The following AIFM3 variants were observed in gnomAD, a reference collection of about 807,000 sequenced individuals.
AIFM3 encodes apoptosis-inducing factor 3.
AIFM3 carries 71 observed loss-of-function variants against 82.7 expected under a neutral mutation model. That is an observed-to-expected ratio of 0.86 (90% CI 0.71 to 1.05). The LOEUF (loss-of-function observed/expected upper bound fraction) is 1.05, where lower values mean the gene tolerates loss of function less well. AIFM3 is among the 50% of genes least tolerant of loss of function. The pLI is 0.00. For missense variants in AIFM3, 748 were observed against 816.7 expected (o/e 0.92, Z 1.03); for synonymous variants, 337 against 329.1 (o/e 1.02, Z -0.26).
At chr22:20,976,151 G>T in intron 9 of AIFM3, 64 bp from the exon 10 acceptor site, 1 of 1,549,456 alleles carries the variant, frequency 6.5e-7, no homozygotes, top group Non-Finnish European at 8.8e-7. Context: ...CTGCAGGACC[G>T]GGGAGTGGGC....
chr22:20,977,159 A>T, intron 14 of AIFM3, 64 bp downstream of exon 14: 1 of 1,596,408 alleles, frequency 6.3e-7, no homozygotes, highest in South Asian at 1.1e-5. Context: ...CTCACATGTG[A>T]CCTTGGGCTA....
At chr22:20,968,525 C>G (rs1923063775) in intron 2 of AIFM3, among the ~76,000 whole-genome samples, 1 of 152,232 alleles carries the variant, frequency 6.6e-6, no homozygotes. Flanking sequence ...GGCACACTTC[C>G]CCATTTATAC....
At chr22:20,976,192 G>A in intron 9 of AIFM3, 23 bp from the exon 10 acceptor site, 1 of 1,608,914 alleles carries the variant, frequency 6.2e-7, no homozygotes, top group Non-Finnish European at 8.5e-7. Flanking sequence ...CCAAGCTCAT[G>A]CTCTGCCTGG....
chr22:20,972,984 C>T (rs1490459811), intron 2 of AIFM3, among the ~76,000 whole-genome samples: 1 of 151,576 alleles, frequency 6.6e-6, no homozygotes, highest in African/African-American at 2.4e-5. Context: ...GAGGCAGAGA[C>T]TGCAGCGAGC....
intron 17 of AIFM3, 26 bp from the exon 18 acceptor site, chr22:20,979,601 G>A (rs955781370): frequency 3.1e-6 from 5 of 1,613,886 alleles, no homozygotes; most frequent in Non-Finnish European, 4.2e-6. Flanking sequence ...GCTCACGTGG[G>A]TGCCACCCAC....
chr22:20,980,775 T>A lies in AIFM3; in HGVS notation c.1778+8T>A. ...GTTTGTGCTGCACAGCAAGTACGTGTGTCCTTCATGTTGACCGTTCTGAGC... is the reference window on the plus strand; with the variant it reads ...GTTTGTGCTGCACAGCAAGTACGTGAGTCCTTCATGTTGACCGTTCTGAGC... On this transcript the variant is annotated splice_region_variant and intron_variant, in intron 20 of 20. Coordinates refer to ENST00000440238, the MANE Select transcript of AIFM3 (RefSeq NM_001386814.1). 6.2e-7 allele frequency: 1 copy of A among 1,614,212 alleles called. No individual in the cohort carries two copies.
chr22:20,973,821 C>A lies in AIFM3; in HGVS notation c.309C>A (p.His103Gln). ...TGGTGAAGGACAATGGGGAGTTCCA[C>A]GCCCTGGGCCATAAGTGTCCGCACT... ...VLLVKDNGEF[H>Q]ALGHKCPHYG... The change falls in exon 4 of 21, where the codon CAC (histidine) becomes CAA (glutamine). Residue 103 changes from histidine (H) to glutamine (Q), a missense_variant. His to Gln is a conservative substitution (Grantham distance 24). Coordinates refer to ENST00000440238, the MANE Select transcript of AIFM3 (RefSeq NM_001386814.1). 1 of 1,580,714 alleles carries A rather than the reference C, an allele frequency of 6.3e-7. No individual in the cohort carries two copies.
At chr22:20,972,704 G>T (rs1387385749) in intron 2 of AIFM3, among the ~76,000 whole-genome samples, 1 of 152,196 alleles carries the variant, frequency 6.6e-6, no homozygotes, top group Non-Finnish European at 1.5e-5. Context: ...CAGGAGAACT[G>T]CAGGGTCGAA....
chr22:20,980,699 G>A (rs373618679), intron 19 of AIFM3, 48 bp from the exon 20 acceptor site: 1 of 1,613,588 alleles, frequency 6.2e-7, no homozygotes, highest in East Asian at 2.2e-5. Flanking sequence ...TAAATGACAT[G>A]CTCTCTCCTT....
chr22:20,977,625 C>T, intron 14 of AIFM3, 75 bp from the exon 15 acceptor site: 1 of 1,577,466 alleles, frequency 6.3e-7, no homozygotes, highest in South Asian at 1.1e-5. Context: ...ACATCAAGCG[C>T]ATGCTGTAGG....
intron 16 of AIFM3, 123 bp from the exon 17 acceptor site, chr22:20,979,148 T>C: frequency 1.0e-6 from 1 of 960,246 alleles, no homozygotes; most frequent in Non-Finnish European, 1.6e-6. Context: ...ATGATGTCTC[T>C]TGACCTCTGG....
chr22:20,979,714 G>A lies in AIFM3; in HGVS notation c.1652+12G>A, dbSNP rs751639560. ...GCTTTTTACACTAAGTGAGAGCACC[G>A]GGGTGCAGCTTGGCGCGAAGCAGCG... On this transcript the variant is annotated intron_variant, in intron 18 of 20. Coordinates refer to ENST00000440238, the MANE Select transcript of AIFM3 (RefSeq NM_001386814.1). 1.5e-5 allele frequency: 25 copies of A among 1,614,156 alleles called. No individual in the cohort carries two copies. Among genetic ancestry groups the A allele is most frequent in the Admixed American group, 5.0e-5 (3 of 60,018 alleles).
chr22:20,978,178 G>A (rs1322225699), intron 16 of AIFM3, among the ~76,000 whole-genome samples, 173 bp downstream of exon 16: 6 of 152,076 alleles, frequency 3.9e-5, no homozygotes, highest in African/African-American at 7.2e-5. Context: ...CACAGAGAGC[G>A]ACACCCCACT....
intron 2 of AIFM3, among the ~76,000 whole-genome samples, chr22:20,971,505 G>A (rs1182232129): frequency 1.3e-5 from 2 of 152,230 alleles, no homozygotes; most frequent in Admixed American, 1.3e-4. Context: ...GCCAGGAGAG[G>A]CAACTCCTGA....
intron 2 of AIFM3, among the ~76,000 whole-genome samples, chr22:20,969,354 T>G (rs1163407888): frequency 6.6e-6 from 1 of 152,066 alleles, no homozygotes; most frequent in African/African-American, 2.4e-5. Flanking sequence ...TGATTTCCCC[T>G]CTCTGAGCCT....
In AIFM3 at chr22:20,968,099, G is replaced by A. The variant is rs536669612; in HGVS notation, c.31+124G>A. On this transcript the variant is annotated intron_variant, in intron 2 of 20. Transcript: ENST00000440238. Reference sequence around the variant, plus strand: ...AGTAGGTCAGGCTATCCAAGAACCCGCTCGGAATGTTAATACGCTGCCGCC... The same window carrying A: ...AGTAGGTCAGGCTATCCAAGAACCCACTCGGAATGTTAATACGCTGCCGCC... The A allele has an allele frequency of 4.6e-4, 447 of 961,918 alleles. 1 individual carries two copies. Among genetic ancestry groups the A allele is most frequent in the Non-Finnish European group, 5.9e-4 (381 of 647,618 alleles). The allele number at this position is 961,918 out of a possible 1,614,324, so 59.6% of individuals were successfully genotyped here.
rs1263198062 is a variant in AIFM3, at chr22:20,981,354, G to C, written c.*323G>C. On this transcript the variant is annotated 3_prime_UTR_variant, in exon 21 of 21. Coordinates refer to ENST00000440238, the MANE Select transcript of AIFM3 (RefSeq NM_001386814.1). ...CCGTAAAATTAAAACGCACAAATTT[G>C]CAGATCTGTATGACTCCCAGTGTAA... 2 of 370,678 alleles carry C rather than the reference G, an allele frequency of 5.4e-6. No individual in the cohort carries two copies. Among genetic ancestry groups the C allele is most frequent in the African/African-American group, 2.1e-5 (1 of 48,214 alleles). The allele number at this position is 370,678 out of a possible 1,614,324, so 23.0% of individuals were successfully genotyped here.
intron 2 of AIFM3, among the ~76,000 whole-genome samples, chr22:20,969,769 C>T (rs1327698569): frequency 2.0e-5 from 3 of 152,142 alleles, no homozygotes; most frequent in African/African-American, 7.2e-5. Context: ...GCCAGAGGCT[C>T]AGGCCCCAGG....
intron 14 of AIFM3, 125 bp downstream of exon 14, chr22:20,977,220 A>C (rs115738595): frequency 0.42 from 573,921 of 1,355,958 alleles, 122,387 homozygotes; most frequent in East Asian, 0.62. Context: ...TCAAATGGGA[A>C]CCCCCAACCG....
Sources: gnomAD v4.1 joint callset for allele counts (sites outside exome capture counted in the v4.1 genomes callset) on GRCh38, gnomAD v4.1.1 for gene constraint, MANE v1.5 for transcripts, NCBI Gene and HGNC (gene_info 2026-07-23, HGNC 2026-07-21) for gene names.